The following NSD1 variants were observed in gnomAD, a reference collection of about 807,000 sequenced individuals.
NSD1 encodes the protein nuclear receptor binding SET domain protein 1.
In NSD1, 26 loss-of-function variants were observed where a neutral mutation model predicts 242.7. The ratio of observed to expected loss-of-function variants is 0.11; its 90% CI spans 0.08 to 0.15. NSD1 has a LOEUF of 0.15. NSD1 is among the 10% of genes least tolerant of loss of function. The probability of loss-of-function intolerance (pLI) is 1.00; values close to 1 mark genes in which losing one functional copy is unlikely to be tolerated. For synonymous variants in NSD1, 1,106 were observed against 1,178.1 expected, an observed-to-expected ratio of 0.94 and a Z score of 1.25; for missense variants, 2,495 against 3,272.8, an observed-to-expected ratio of 0.76 and a Z score of 5.80.
At chr5:177,206,895 G>C (rs1057073917) in intron 4 of NSD1, among the ~76,000 whole-genome samples, 3 of 149,924 alleles carry the variant, frequency 2.0e-5, no homozygotes, top group African/African-American at 7.3e-5. Flanking sequence ...TTGTCCGTTT[G>C]ATCCTTTCTT....
Position 177,246,789 on chromosome 5 carries a change from G to A in NSD1, c.4490G>A (p.Gly1497Asp), listed in dbSNP as rs770327039. 8 of 1,609,466 alleles carry A rather than the reference G, an allele frequency of 5.0e-6. No individual in the cohort carries two copies. The African/African-American group carries it at 1.1e-4, about 22-fold the overall frequency. ...KNDDSSKEIP[G>D]SEGELMPHRT... ...GATGACTCGTCAAAAGAGATTCCAGGCTCAGAGGTATTACTCAGTTCCTGA... is the reference window on the plus strand; with the variant it reads ...GATGACTCGTCAAAAGAGATTCCAGACTCAGAGGTATTACTCAGTTCCTGA... The change falls in exon 10 of 23, where the codon GGC (glycine) becomes GAC (aspartate). Residue 1497 changes from glycine to aspartate, a missense_variant. Around this residue, in one of 19 missense-constraint regions of NSD1, gnomAD observed 97 missense variants for 97.7 expected, o/e 0.99. Coordinates refer to ENST00000439151, the MANE Select transcript of NSD1 (RefSeq NM_022455.5).
chr5:177,233,314 C>T (rs1033317672), intron 5 of NSD1, among the ~76,000 whole-genome samples: 10 of 151,968 alleles, frequency 6.6e-5, no homozygotes, highest in Non-Finnish European at 1.3e-4. Context: ...AGTGATCTTC[C>T]TGCATTGGCT....
intron 2 of NSD1, among the ~76,000 whole-genome samples, chr5:177,185,597 A>T (rs1350133361): frequency 6.9e-6 from 1 of 145,406 alleles, no homozygotes; most frequent in African/African-American, 2.6e-5. Context: ...AGACTGTCTC[A>T]AAAAAACAAA....
intron 14 of NSD1, chr5:177,265,420 A>G (rs994929344): frequency 2.3e-5 from 14 of 604,980 alleles, no homozygotes; most frequent in Non-Finnish European, 3.8e-5. Flanking sequence ...AAGTTATGAA[A>G]AACAGTCATG....
chr5:177,274,677 A>C (rs1340627130), intron 17 of NSD1, among the ~76,000 whole-genome samples: 1 of 150,102 alleles, frequency 6.7e-6, no homozygotes, highest in African/African-American at 2.5e-5. Flanking sequence ...TTAGAAATGC[A>C]TTATTTGTTC....
intron 10 of NSD1, among the ~76,000 whole-genome samples, chr5:177,247,494 A>G (rs1766392190): frequency 6.7e-6 from 1 of 149,428 alleles, no homozygotes; most frequent in African/African-American, 2.5e-5. Context: ...TGGGAGGCTG[A>G]GGTGGGAGGA....
chr5:177,173,146 G>T (rs1197040461), intron 2 of NSD1, among the ~76,000 whole-genome samples: 1 of 151,414 alleles, frequency 6.6e-6, no homozygotes, highest in Non-Finnish European at 1.5e-5. Context: ...CAAAAAATTA[G>T]CCGGGCGTGG....
intron 2 of NSD1, among the ~76,000 whole-genome samples, chr5:177,174,510 C>T (rs1426635747): frequency 6.0e-5 from 9 of 150,518 alleles, no homozygotes; most frequent in East Asian, 4.0e-4. Flanking sequence ...CCACTGCACC[C>T]GGCCAGAAGT....
At chr5:177,164,769 C>G (rs1425881583) in intron 2 of NSD1, among the ~76,000 whole-genome samples, 1 of 151,818 alleles carries the variant, frequency 6.6e-6, no homozygotes. Context: ...TATGGTGAAA[C>G]TCCATCTCTA....
chr5:177,158,263 TTC>T (rs1165495002), intron 2 of NSD1, among the ~76,000 whole-genome samples: 1 of 101,454 alleles, frequency 9.9e-6, no homozygotes, highest in African/African-American at 5.6e-5. Flanking sequence ...CTTTCTTTCT[TTC>T]TTTCTTTCTT....
chr5:177,137,402 T>A (rs1562101455), intron 2 of NSD1: 1 of 152,428 alleles, frequency 6.6e-6, no homozygotes, highest in East Asian at 1.9e-4. Flanking sequence ...TCGCTTTACC[T>A]TATATCCCTG....
chr5:177,200,944 G>A lies in NSD1; in HGVS notation c.1064-3176G>A, dbSNP rs1403886079. Among the ~76,000 whole-genome samples, 3 of 151,784 alleles carry A rather than the reference G, an allele frequency of 2.0e-5. No individual in the cohort carries two copies. The East Asian group carries it at 5.8e-4, about 29-fold the overall frequency. On this transcript the variant is annotated intron_variant, in intron 3 of 22. Transcript: ENST00000439151. ...AGTTTCACTCTTGTTGCTCAGGCTG[G>A]AGTGCAATGAGGCGTGATCTTGGCT...
At chr5:177,159,006 A>G (rs1758477226) in intron 2 of NSD1, among the ~76,000 whole-genome samples, 1 of 90,252 alleles carries the variant, frequency 1.1e-5, no homozygotes, top group African/African-American at 5.9e-5. Context: ...TTTTATATAT[A>G]TATATATATA....
intron 5 of NSD1, among the ~76,000 whole-genome samples, chr5:177,225,961 G>A (rs570888694): frequency 1.3e-5 from 2 of 152,092 alleles, no homozygotes; most frequent in African/African-American, 2.4e-5. Flanking sequence ...GTATATATAC[G>A]TTGTTTGTAC....
intron 2 of NSD1, among the ~76,000 whole-genome samples, chr5:177,170,506 A>G (rs1044616752): frequency 6.6e-6 from 1 of 151,816 alleles, no homozygotes; most frequent in Non-Finnish European, 1.5e-5. Context: ...GCATGCCACC[A>G]TGCCCGGCTA....
chr5:177,194,827 G>A (rs1258305335), intron 3 of NSD1, among the ~76,000 whole-genome samples: 1 of 146,014 alleles, frequency 6.8e-6, no homozygotes, highest in Non-Finnish European at 1.5e-5. Context: ...TCAGCCTCCC[G>A]AGTACCTGGG....
Position 177,211,992 on chromosome 5 carries a change from A to G in NSD1, c.3593A>G (p.Glu1198Gly), listed in dbSNP as rs755736887. 6.2e-7 allele frequency: 1 copy of G among 1,613,522 alleles called. No individual in the cohort carries two copies. Among genetic ancestry groups the G allele is most frequent in the Non-Finnish European group, 8.5e-7 (1 of 1,179,504 alleles). Residue 1198 changes from glutamate (E) to glycine (G), a missense_variant, in exon 5 of 23, where the codon GAG becomes GGG. Transcript: ENST00000439151. ...TTACTTCCTAGTGACCCTGTGCAGGAGGGGCGGGATGAGTTTCCAGAGCAT... is the reference window on the plus strand; with the variant it reads ...TTACTTCCTAGTGACCCTGTGCAGGGGGGGCGGGATGAGTTTCCAGAGCAT... ...RVLLPSDPVQEGRDEFPEHRT... is the reference protein window; with the variant it reads ...RVLLPSDPVQGGRDEFPEHRT...
At chr5:177,172,798 A>T (rs982610098) in intron 2 of NSD1, among the ~76,000 whole-genome samples, 83 of 151,614 alleles carry the variant, frequency 5.5e-4, no homozygotes, top group African/African-American at 1.9e-3. Context: ...GTCTCTAAAA[A>T]TTTTTTTTAA....
At chr5:177,180,008 C>A (rs1481137102) in intron 2 of NSD1, among the ~76,000 whole-genome samples, 1 of 152,076 alleles carries the variant, frequency 6.6e-6, no homozygotes, top group Admixed American at 6.6e-5. Flanking sequence ...TCAAGCGATT[C>A]TCCTGCCTTA....
Sources: allele counts gnomAD v4.1 joint callset (sites outside exome capture counted in the v4.1 genomes callset), GRCh38; gene constraint gnomAD v4.1.1; regional missense constraint gnomAD v4.1.1; transcripts MANE v1.5; gene names NCBI Gene and HGNC (gene_info 2026-07-23, HGNC 2026-07-21).